The following UVSSA variants were observed in gnomAD, a reference collection of about 807,000 sequenced individuals.
UVSSA encodes the protein UV-stimulated scaffold protein A.
UVSSA carries 72 observed loss-of-function variants against 73.9 expected under a neutral mutation model. The observed-to-expected ratio is 0.97, with a 90% CI of 0.81 to 1.19. The LOEUF is 1.19. UVSSA is among the 50% of genes most tolerant of loss of function. The pLI is 0.00. For synonymous variants in UVSSA, 454 were observed against 391.3 expected (o/e 1.16, Z -1.89); for missense variants, 1,150 against 965.0 (o/e 1.19, Z -2.54).
At chr4:1,372,616 G>T (rs539972200) in intron 8 of UVSSA, among the ~76,000 whole-genome samples, 1 of 141,106 alleles carries the variant, frequency 7.1e-6, no homozygotes, top group African/African-American at 2.8e-5. Flanking sequence ...GAACACGTGG[G>T]TTTGGGGTAG....
chr4:1,360,245 G>A (rs1459551815), intron 7 of UVSSA, among the ~76,000 whole-genome samples: 1 of 152,214 alleles, frequency 6.6e-6, no homozygotes, highest in African/African-American at 2.4e-5. Flanking sequence ...GAACATCTTA[G>A]GCCCAGCCAG....
chr4:1,348,235 C>G (rs747439147), intron 2 of UVSSA, 46 bp downstream of exon 2: 30 of 1,456,420 alleles, frequency 2.1e-5, no homozygotes, highest in Middle Eastern at 1.7e-4. Flanking sequence ...CCCACTGAGC[C>G]CAGGACACAC....
intron 7 of UVSSA, among the ~76,000 whole-genome samples, chr4:1,361,278 T>C (rs1407486319): frequency 6.6e-6 from 1 of 152,248 alleles, no homozygotes; most frequent in Non-Finnish European, 1.5e-5. Flanking sequence ...CCCACCATGC[T>C]GGCTGGCAGC....
chr4:1,393,600 AG>A (rs1720456214), exon 14 of UVSSA: 1 of 152,044 alleles, frequency 6.6e-6, no homozygotes, highest in African/African-American at 2.4e-5. Flanking sequence ...ATAGATAGAT[AG>A]ATAGATAGAT....
chr4:1,363,260 A>G (rs73793382), intron 7 of UVSSA, among the ~76,000 whole-genome samples: 12,008 of 152,152 alleles, frequency 0.079, 569 homozygotes, highest in Non-Finnish European at 0.1. Context: ...GGAGATGCTC[A>G]CCGGGACCAG....
At chr4:1,394,040 T>G (rs544076939) in exon 14 of UVSSA, 57 of 254,384 alleles carry the variant, frequency 2.2e-4, no homozygotes, top group African/African-American at 1.2e-3. Context: ...TGACACGCAG[T>G]TGATATGTGG....
At chr4:1,370,469 T>C (rs1431447880) in intron 8 of UVSSA, among the ~76,000 whole-genome samples, 1 of 152,226 alleles carries the variant, frequency 6.6e-6, no homozygotes, top group African/African-American at 2.4e-5. Context: ...TGGCTCTGTC[T>C]CACACCCTCC....
At chr4:1,359,457 A>C (rs1716300543) in intron 7 of UVSSA, 1 of 152,172 alleles carries the variant, frequency 6.6e-6, no homozygotes, top group Non-Finnish European at 1.5e-5. Flanking sequence ...AGCTCAAATC[A>C]CCAATTACTT....
chr4:1,369,316 C>T (rs1717734288), intron 8 of UVSSA, among the ~76,000 whole-genome samples: 1 of 152,190 alleles, frequency 6.6e-6, no homozygotes, highest in African/African-American at 2.4e-5. Flanking sequence ...CTGGGGTGCG[C>T]AGGGAGGACC....
intron 10 of UVSSA, among the ~76,000 whole-genome samples, chr4:1,379,710 G>A (rs1315445805): frequency 1.3e-5 from 2 of 151,858 alleles, no homozygotes; most frequent in Admixed American, 6.6e-5. Context: ...TATAGGGAGA[G>A]CCCATCTTGC....
Position 1,376,118 on chromosome 4 carries a change from G to A in UVSSA, c.1518G>A (p.Val506=), listed in dbSNP as rs1340255520. Reference sequence around the variant, plus strand: ...GGGCGCCTGTGGTGCCCTACGGCGTGGACCTGCACTACTGGGGCCAGGAGC... The same window carrying A: ...GGGCGCCTGTGGTGCCCTACGGCGTAGACCTGCACTACTGGGGCCAGGAGC... The part of the protein sequence containing the change: ...RARAPVVPYG[V]DLHYWGQELP... Residue 506 remains valine (V), a synonymous_variant, in exon 10 of 14, where the codon GTG becomes GTA. Coordinates refer to ENST00000389851, the MANE Select transcript of UVSSA (RefSeq NM_020894.4). The A allele has an allele frequency of 6.2e-7, 1 of 1,609,520 alleles. No individual in the cohort carries two copies. Among genetic ancestry groups the A allele is most frequent in the East Asian group, 2.2e-5 (1 of 44,764 alleles).
rs375462314 is a variant in UVSSA at position 1,355,189 on chromosome 4, G to A, written c.1120G>A (p.Val374Ile). 23 of 1,613,598 alleles carry A rather than the reference G, an allele frequency of 1.4e-5. No individual in the cohort carries two copies. The highest frequency in any genetic ancestry group is 1.1e-4 in the East Asian group (5 of 44,866). ...AIDLKAELEL[V>I]LRKYKELDIE... is the part of the protein sequence containing the mutation. ...TGACCTGAAGGCTGAATTGGAGCTC[G>A]TACTGAGAAAATACAAGGAGCTGGA... is the stretch of plus-strand genomic sequence containing the variant. Residue 374 changes from valine (V) to isoleucine (I), a missense_variant, in exon 7 of 14, where the codon GTA (valine) becomes ATA (isoleucine). Physicochemically the swap from Val to Ile is conservative, Grantham distance 29 (BLOSUM62 3). Transcript: ENST00000389851.
chr4:1,380,306 C>G, intron 11 of UVSSA, 76 bp downstream of exon 11: 2 of 1,494,378 alleles, frequency 1.3e-6, no homozygotes, highest in African/African-American at 2.8e-5. Context: ...CTGAGCCCCA[C>G]CTGCCCCTGC....
At chr4:1,377,017 G>C (rs1718856276) in intron 10 of UVSSA, among the ~76,000 whole-genome samples, 1 of 152,254 alleles carries the variant, frequency 6.6e-6, no homozygotes, top group Non-Finnish European at 1.5e-5. Flanking sequence ...CCCATTTCAA[G>C]GGCCGGGCTG....
Position 1,352,984 on chromosome 4 carries a change from T to C in UVSSA, c.551-46T>C, listed in dbSNP as rs368554461. 7.7e-4 allele frequency: 1,205 copies of C among 1,560,324 alleles called. 33 individuals are homozygous for C. The South Asian group carries it at 0.013, about 17-fold the overall frequency. ...GTGTGGTTTTGAGTGGGCTGGTGCTTTTGCTCCACATAGCGCAGCAAACAG... is the reference window on the plus strand; with the variant it reads ...GTGTGGTTTTGAGTGGGCTGGTGCTCTTGCTCCACATAGCGCAGCAAACAG... On this transcript the variant is annotated intron_variant, in intron 4 of 13. Transcript: ENST00000389851.
At chr4:1,349,950 C>T (rs1333437739) in intron 3 of UVSSA, 96 bp downstream of exon 3, 2 of 1,190,866 alleles carry the variant, frequency 1.7e-6, no homozygotes, top group African/African-American at 1.5e-5. Flanking sequence ...TTGAACCTAG[C>T]ACAGCAGGGG....
chr4:1,379,637 T>C (rs1392184507), intron 10 of UVSSA, among the ~76,000 whole-genome samples: 3 of 152,204 alleles, frequency 2.0e-5, no homozygotes, highest in East Asian at 3.9e-4. Flanking sequence ...ACGACCTTCA[T>C]GTGGATGCCC....
intron 10 of UVSSA, among the ~76,000 whole-genome samples, chr4:1,378,860 C>G (rs1030278219): frequency 3.3e-5 from 5 of 152,232 alleles, no homozygotes; most frequent in African/African-American, 1.2e-4. Flanking sequence ...AGGGCTTTGC[C>G]CGAGACGCCT....
At position 1,383,894 on chromosome 4, in the gene UVSSA, C is replaced by T. The variant is rs762345269; in HGVS notation, c.1990C>T (p.Gln664Ter). The T allele has an allele frequency of 1.2e-6, 2 of 1,613,310 alleles. No homozygotes were observed. Among genetic ancestry groups the T allele is most frequent in the African/African-American group, 2.7e-5 (2 of 74,930 alleles). Residue 664 changes from glutamine (Q) to a stop codon, truncating the protein, a stop_gained, in exon 13 of 14, where the codon CAG (glutamine) becomes TAG (stop). Transcript: ENST00000389851. LOFTEE classifies it high-confidence loss of function. ...RYPSLTNLKA[Q>*]ADTARARIGR... ...CCCCAGCCTCACCAACCTGAAGGCTCAGGCTGATACCGCCCGCGCTCGCAT... is the reference window on the plus strand; with the variant it reads ...CCCCAGCCTCACCAACCTGAAGGCTTAGGCTGATACCGCCCGCGCTCGCAT...
Sources: allele counts gnomAD v4.1 joint callset (sites outside exome capture counted in the v4.1 genomes callset), GRCh38; gene constraint gnomAD v4.1.1; transcripts MANE v1.5; gene names NCBI Gene and HGNC (gene_info 2026-07-23, HGNC 2026-07-21).